Variants in TNFRSF1B observed in about 807,000 individuals in gnomAD.
TNFRSF1B encodes the protein tumor necrosis factor receptor superfamily member 1B.
In TNFRSF1B, 19 loss-of-function variants were observed where a neutral mutation model predicts 44.6. The ratio of observed to expected loss-of-function variants is 0.43; its 90% CI spans 0.30 to 0.62. The LOEUF is 0.62. Ranked by LOEUF, TNFRSF1B falls within the 20% of genes least tolerant of loss-of-function variation. The pLI, the probability that TNFRSF1B is intolerant of heterozygous loss-of-function variation, is 0.16. For missense variants in TNFRSF1B, 541 were observed against 619.9 expected, an observed-to-expected ratio of 0.87 and a Z score of 1.35; for synonymous variants, 252 against 261.1, an observed-to-expected ratio of 0.97 and a Z score of 0.34.
chr1:12,191,232 C>G, intron 3 of TNFRSF1B, 147 bp downstream of exon 3: 5 of 1,124,102 alleles, frequency 4.4e-6, no homozygotes, highest in Non-Finnish European at 6.3e-6. Context: ...ACCCCTACCA[C>G]TGGCATTTTC....
rs1294151399 is a variant in TNFRSF1B, at chr1:12,207,626, C to T, written c.*606C>T. 1.3e-5 allele frequency: 2 copies of T among 153,244 alleles called. No homozygotes were observed. Among genetic ancestry groups the T allele is most frequent in the East Asian group, 1.9e-4 (1 of 5,210 alleles). 9.5% of individuals were successfully genotyped at this position (153,244 alleles called of 1,614,324 possible). A position where few individuals can be genotyped will look rare whatever the true frequency, so the allele number is the denominator to read the frequency against. ...TCAGGAGGCTTGGAAAGCATCACCTCAGGCCAGGTGCAGTGGCTCACGCCT... is the reference window on the plus strand; with the variant it reads ...TCAGGAGGCTTGGAAAGCATCACCTTAGGCCAGGTGCAGTGGCTCACGCCT... On this transcript the variant is annotated 3_prime_UTR_variant, in exon 10 of 10. Coordinates refer to ENST00000376259, the MANE Select transcript of TNFRSF1B (RefSeq NM_001066.3).
chr1:12,193,878 C>A, intron 6 of TNFRSF1B, 77 bp from the exon 7 acceptor site: 1 of 1,186,744 alleles, frequency 8.4e-7, no homozygotes, highest in Non-Finnish European at 1.3e-6. Flanking sequence ...CACCTTGGGT[C>A]CCTGGCTTGC....
chr1:12,194,841 G>T (rs999859906), intron 8 of TNFRSF1B, among the ~76,000 whole-genome samples: 6 of 152,234 alleles, frequency 3.9e-5, no homozygotes, highest in African/African-American at 1.4e-4. Context: ...TGCCTTCGTG[G>T]CGTTCGTGGC....
intron 9 of TNFRSF1B, 124 bp downstream of exon 9, chr1:12,202,295 A>G: frequency 1.1e-5 from 15 of 1,412,790 alleles, no homozygotes; most frequent in Non-Finnish European, 1.4e-5. Context: ...GCCACAGGGA[A>G]CTTCCTTCGG....
intron 9 of TNFRSF1B, among the ~76,000 whole-genome samples, chr1:12,206,031 G>A (rs896069292): frequency 1.3e-5 from 2 of 152,146 alleles, no homozygotes; most frequent in Non-Finnish European, 2.9e-5. Flanking sequence ...CTGGGTGGAT[G>A]GCAGCAATGG....
At chr1:12,206,438 C>T (rs1371853356) in intron 9 of TNFRSF1B, among the ~76,000 whole-genome samples, 5 of 151,818 alleles carry the variant, frequency 3.3e-5, no homozygotes, top group South Asian at 2.1e-4. Context: ...TGGGCTCAAG[C>T]GATCCTACAA....
intron 1 of TNFRSF1B, among the ~76,000 whole-genome samples, chr1:12,184,700 A>G (rs1638941093): frequency 6.6e-6 from 1 of 152,110 alleles, no homozygotes; most frequent in Non-Finnish European, 1.5e-5. Flanking sequence ...GCTCTTTCCC[A>G]TCAGGCCCTT....
intron 6 of TNFRSF1B, 59 bp downstream of exon 6, chr1:12,193,157 C>G: frequency 6.9e-7 from 1 of 1,442,082 alleles, no homozygotes; most frequent in Middle Eastern, 1.7e-4. Flanking sequence ...TTCTGTCTCT[C>G]TTTCTTCCTC....
In TNFRSF1B at chr1:12,206,768, G is replaced by A. The variant is rs529293509; in HGVS notation, c.1134G>A (p.Gln378=). The change falls in exon 10 of 10, where the codon CAG becomes CAA. Residue 378 remains glutamine, a synonymous_variant. Transcript: ENST00000376259. ...SDSSPGGHGT[Q]VNVTCIVNVC... is the part of the protein sequence containing the mutation. ...CTTCCCCTGGTGGCCATGGGACCCA[G>A]GTCAATGTCACCTGCATCGTGAACG... is the stretch of plus-strand genomic sequence containing the variant. 8 of 1,604,630 alleles carry A rather than the reference G, an allele frequency of 5.0e-6. No homozygotes were observed. In the South Asian group the frequency reaches 8.8e-5, roughly 18 times the overall value.
At chr1:12,185,016 G>A (rs1249671408) in intron 1 of TNFRSF1B, among the ~76,000 whole-genome samples, 1 of 152,180 alleles carries the variant, frequency 6.6e-6, no homozygotes, top group East Asian at 1.9e-4. Flanking sequence ...CACAGCCCCT[G>A]CCCTTGGGGA....
intron 1 of TNFRSF1B, among the ~76,000 whole-genome samples, chr1:12,174,816 A>C (rs1358486270): frequency 1.3e-5 from 2 of 152,158 alleles, no homozygotes. Context: ...TGCAGGCTGA[A>C]TCTCTTTCAG....
intron 9 of TNFRSF1B, among the ~76,000 whole-genome samples, chr1:12,206,330 T>G (rs1639501071): frequency 1.5e-5 from 2 of 135,896 alleles, no homozygotes; most frequent in Non-Finnish European, 1.6e-5. Context: ...GTTGAGGGAG[T>G]GACACAGCAC....
Position 12,180,830 on chromosome 1 carries a change from C to T in TNFRSF1B, c.79-7966C>T, listed in dbSNP as rs572159436. On this transcript the variant is annotated intron_variant, in intron 1 of 9. Coordinates refer to ENST00000376259, the MANE Select transcript of TNFRSF1B (RefSeq NM_001066.3). This position sits in a 1 kb window ranked among gnomAD's most constrained non-coding sequence, Gnocchi z 4.3. ...TCACCTTCTTGCAGGCTCTCACAGC[C>T]GCATCGTCCTCTGGCTGGGCTGCTC... Among the ~76,000 whole-genome samples the T allele has an allele frequency of 1.8e-3, 272 of 152,300 alleles. No homozygotes were observed. The highest frequency in any genetic ancestry group is 6.3e-3 in the African/African-American group (260 of 41,558).
intron 9 of TNFRSF1B, among the ~76,000 whole-genome samples, chr1:12,205,185 C>T (rs751052774): frequency 3.3e-5 from 5 of 151,876 alleles, no homozygotes; most frequent in Non-Finnish European, 7.4e-5. Flanking sequence ...GGGTGGAGGG[C>T]GCTTCGTGGA....
intron 1 of TNFRSF1B, among the ~76,000 whole-genome samples, chr1:12,183,699 T>TCTAGCTAGCTAG (rs1261488706): frequency 9.8e-6 from 1 of 102,266 alleles, no homozygotes; most frequent in African/African-American, 3.2e-5. Flanking sequence ...TATCTATCTA[T>TCTAGCTAGCTAG]CTATCTATCT....
At chr1:12,183,703 T>A (rs1201135) in intron 1 of TNFRSF1B, among the ~76,000 whole-genome samples, 2,760 of 117,044 alleles carry the variant, frequency 0.024, 59 homozygotes, top group Non-Finnish European at 0.032. Context: ...TATCTATCTA[T>A]CTATCTATTC....
At chr1:12,170,805 T>C (rs1638504935) in intron 1 of TNFRSF1B, among the ~76,000 whole-genome samples, 1 of 151,888 alleles carries the variant, frequency 6.6e-6, no homozygotes, top group Non-Finnish European at 1.5e-5. Flanking sequence ...TAGCTGGGAC[T>C]ACAGGCATGC....
intron 8 of TNFRSF1B, among the ~76,000 whole-genome samples, 170 bp from the exon 9 acceptor site, chr1:12,201,797 C>T (rs900313822): frequency 6.6e-6 from 1 of 152,160 alleles, no homozygotes; most frequent in Non-Finnish European, 1.5e-5. Context: ...GAGAATCACA[C>T]CTCCCAAAAA....
chr1:12,183,697 T>TATC (rs1638879803), intron 1 of TNFRSF1B, among the ~76,000 whole-genome samples: 1 of 130,602 alleles, frequency 7.7e-6, no homozygotes, highest in South Asian at 2.6e-4. Flanking sequence ...TCTATCTATC[T>TATC]ATCTATCTAT....
Sources: gnomAD v4.1 joint callset for allele counts (sites outside exome capture counted in the v4.1 genomes callset) on GRCh38, gnomAD v4.1.1 for gene constraint, Gnocchi (gnomAD v3.1) non-coding constraint, MANE v1.5 for transcripts, NCBI Gene and HGNC (gene_info 2026-07-23, HGNC 2026-07-21) for gene names.